Variants in RAB38 observed in about 807,000 individuals in gnomAD.
RAB38 encodes the protein ras-related protein Rab-38.
RAB38 carries 15 observed loss-of-function variants against 18.4 expected under a neutral mutation model. That is an observed-to-expected ratio of 0.82 (90% CI 0.55 to 1.26). The LOEUF (loss-of-function observed/expected upper bound fraction) is 1.26. Among genes scored for constraint, RAB38 ranks in the 50% most tolerant of loss-of-function variants. The pLI is 0.00. For missense variants in RAB38, 294 were observed against 267.4 expected, an observed-to-expected ratio of 1.10 and a Z score of -0.69; for synonymous variants, 101 against 104.4, an observed-to-expected ratio of 0.97 and a Z score of 0.20.
chr11:87,907,406 G>T, the RAB38 span, among the ~76,000 whole-genome samples: 1 of 151,108 alleles, frequency 6.6e-6, no homozygotes, highest in African/African-American at 2.4e-5. Flanking sequence ...TGTCTTTTTT[G>T]CAAGATGTTT....
the RAB38 span, among the ~76,000 whole-genome samples, chr11:87,947,393 T>C: frequency 1.3e-5 from 2 of 152,194 alleles, no homozygotes; most frequent in African/African-American, 2.4e-5. Context: ...TTTAGTTTAA[T>C]TAGATCCCAT....
chr11:88,143,683 G>C (rs1240258821), intron 2 of RAB38, among the ~76,000 whole-genome samples: 1 of 152,174 alleles, frequency 6.6e-6, no homozygotes, highest in Non-Finnish European at 1.5e-5. Context: ...TCTGGAGTCA[G>C]GTTATTATGA....
chr11:88,040,332 C>A, the RAB38 span, among the ~76,000 whole-genome samples: 1 of 152,210 alleles, frequency 6.6e-6, no homozygotes, highest in Non-Finnish European at 1.5e-5. Context: ...ATATCTGTGT[C>A]CTCATATCCT....
chr11:87,902,494 G>C, the RAB38 span, among the ~76,000 whole-genome samples: 2 of 151,240 alleles, frequency 1.3e-5, no homozygotes, highest in African/African-American at 4.8e-5. Flanking sequence ...GGTCATTCCA[G>C]GTTATTTGCA....
the RAB38 span, among the ~76,000 whole-genome samples, chr11:88,045,754 A>G: frequency 6.6e-6 from 1 of 152,086 alleles, no homozygotes; most frequent in Non-Finnish European, 1.5e-5. Flanking sequence ...CCCCTTCTTA[A>G]TCAATACGAA....
chr11:87,948,716 C>G, the RAB38 span, among the ~76,000 whole-genome samples: 7 of 145,230 alleles, frequency 4.8e-5, no homozygotes, highest in African/African-American at 8.0e-5. Context: ...TATATTGAAC[C>G]AGCCTTGCAT....
the RAB38 span, among the ~76,000 whole-genome samples, chr11:87,976,170 A>G: frequency 6.8e-6 from 1 of 147,744 alleles, no homozygotes; most frequent in South Asian, 2.1e-4. Flanking sequence ...CTTTATGTAT[A>G]TAGGTATATA....
chr11:88,118,870 A>C (rs191081102), intron 2 of RAB38, among the ~76,000 whole-genome samples: 1 of 152,228 alleles, frequency 6.6e-6, no homozygotes, highest in Non-Finnish European at 1.5e-5. Flanking sequence ...TGTTTATTAA[A>C]TAATACTCAC....
chr11:87,838,500 T>A, the RAB38 span, among the ~76,000 whole-genome samples: 1 of 152,204 alleles, frequency 6.6e-6, no homozygotes, highest in African/African-American at 2.4e-5. Context: ...ATGAGTTCAG[T>A]CTTTCTCCAG....
At position 88,149,858 on chromosome 11, in the gene RAB38, T is replaced by G; in HGVS notation, c.300A>C (p.Ala100=). 2 of 1,614,056 alleles carry G rather than the reference T, an allele frequency of 1.2e-6. No individual in the cohort carries two copies. Among genetic ancestry groups the G allele is most frequent in the South Asian group, 2.2e-5 (2 of 91,060 alleles). ...CCAAATCATTTTTCCACTTTGCCAC[T>G]GCTTCAAATGTGGCTGGCCTGGTGA... is the stretch of plus-strand genomic sequence containing the variant. ...FDVTRPATFE[A]VAKWKNDLDS... is the part of the protein sequence containing the mutation. Residue 100 remains alanine, a synonymous_variant, in exon 2 of 3, where the codon GCA becomes GCC. Transcript: ENST00000243662.
At chr11:87,880,974 A>G in the RAB38 span, among the ~76,000 whole-genome samples, 1 of 151,826 alleles carries the variant, frequency 6.6e-6, no homozygotes, top group Non-Finnish European at 1.5e-5. Flanking sequence ...GTGAAAAATA[A>G]AGAAGGTACT....
chr11:87,937,702 T>C, the RAB38 span, among the ~76,000 whole-genome samples: 1 of 152,080 alleles, frequency 6.6e-6, no homozygotes, highest in Non-Finnish European at 1.5e-5. Flanking sequence ...AAAATTCTGC[T>C]GTTAAGCCCG....
At chr11:88,019,475 A>T in the RAB38 span, among the ~76,000 whole-genome samples, 1 of 152,180 alleles carries the variant, frequency 6.6e-6, no homozygotes, top group Non-Finnish European at 1.5e-5. Context: ...CCTTCTAGCT[A>T]TTCTGTTTCC....
the RAB38 span, among the ~76,000 whole-genome samples, chr11:87,902,699 T>C: frequency 4.0e-5 from 6 of 151,460 alleles, no homozygotes; most frequent in African/African-American, 1.5e-4. Context: ...CTCTCAGCAA[T>C]ATGTTATTGT....
the RAB38 span, among the ~76,000 whole-genome samples, chr11:87,957,385 G>C: frequency 1.1e-4 from 12 of 106,598 alleles, no homozygotes; most frequent in Admixed American, 1.2e-3. Flanking sequence ...TGTAACAAAA[G>C]ACAGATTAAC....
Position 88,149,742 on chromosome 11 carries a change from T to C in RAB38, c.416A>G (p.Asn139Ser), listed in dbSNP as rs139725413. The C allele has an allele frequency of 6.0e-5, 97 of 1,614,060 alleles. No homozygotes were observed. The highest frequency in any genetic ancestry group is 7.5e-5 in the Non-Finnish European group (89 of 1,180,044). The change falls in exon 2 of 3, where the codon AAT (asparagine) becomes AGT (serine). Residue 139 changes from asparagine (N) to serine (S), a missense_variant. Asn to Ser is a conservative substitution (Grantham distance 46). Transcript: ENST00000243662. ...GCAGAACTGGTCCATCTTGAGGCCATTGTTCATGAGCACATCCTTCCCCTG... is the reference window on the plus strand; with the variant it reads ...GCAGAACTGGTCCATCTTGAGGCCACTGTTCATGAGCACATCCTTCCCCTG... ...CDQGKDVLMNNGLKMDQFCKE... is the reference protein window; with the variant it reads ...CDQGKDVLMNSGLKMDQFCKE...
At chr11:88,093,164 C>T in the RAB38 span, among the ~76,000 whole-genome samples, 2 of 151,960 alleles carry the variant, frequency 1.3e-5, no homozygotes, top group South Asian at 2.1e-4. Context: ...GGTGAGTCCC[C>T]GTGTGTCCAT....
chr11:88,074,574 A>G, the RAB38 span, among the ~76,000 whole-genome samples: 2 of 152,328 alleles, frequency 1.3e-5, no homozygotes, highest in Admixed American at 6.5e-5. Flanking sequence ...ATAAAAAGCA[A>G]CAAATTAAAA....
the RAB38 span, chr11:87,816,863 T>C: frequency 6.6e-6 from 1 of 152,076 alleles, no homozygotes; most frequent in Non-Finnish European, 1.5e-5. Context: ...AAGCTAAGAA[T>C]CTATATTTTT....
Sources: allele counts gnomAD v4.1 joint callset (sites outside exome capture counted in the v4.1 genomes callset), GRCh38; gene constraint gnomAD v4.1.1; transcripts MANE v1.5; gene names NCBI Gene and HGNC (gene_info 2026-07-23, HGNC 2026-07-21).